DGKG: variants seen among roughly 807,000 people sequenced by gnomAD.
The protein encoded by DGKG is DAG kinase gamma.
Under a neutral mutation model 105.3 loss-of-function variants are expected in DGKG, and 78 were observed. The ratio of observed to expected loss-of-function variants is 0.74; its 90% CI spans 0.62 to 0.89. The LOEUF is 0.89. Ranked by LOEUF, DGKG falls within the 40% of genes least tolerant of loss-of-function variation. The pLI is 0.00. For synonymous variants in DGKG, 346 were observed against 367.1 expected, an observed-to-expected ratio of 0.94 and a Z score of 0.66; for missense variants, 958 against 1,020.1, an observed-to-expected ratio of 0.94 and a Z score of 0.83.
At chr3:186,325,164 T>C (rs1054450567) in intron 1 of DGKG, among the ~76,000 whole-genome samples, 6 of 152,200 alleles carry the variant, frequency 3.9e-5, no homozygotes, top group Non-Finnish European at 7.3e-5. Flanking sequence ...CTACATGTTC[T>C]TACTTATAAG....
At chr3:186,209,292 G>A (rs936675112) in intron 21 of DGKG, among the ~76,000 whole-genome samples, 3 of 151,842 alleles carry the variant, frequency 2.0e-5, no homozygotes, top group Non-Finnish European at 4.4e-5. Flanking sequence ...AGTAGAAACA[G>A]TGTTTCACCA....
At chr3:186,209,349 G>A (rs1317149810) in intron 21 of DGKG, among the ~76,000 whole-genome samples, 1 of 151,912 alleles carries the variant, frequency 6.6e-6, no homozygotes, top group African/African-American at 2.4e-5. Context: ...TGATCCACCC[G>A]CCTCGGCTTC....
intron 14 of DGKG, among the ~76,000 whole-genome samples, chr3:186,263,492 G>C (rs1249257481): frequency 6.6e-6 from 1 of 151,994 alleles, no homozygotes; most frequent in Non-Finnish European, 1.5e-5. Flanking sequence ...GCTTGAACCC[G>C]GGAGGCAAAG....
intron 2 of DGKG, among the ~76,000 whole-genome samples, chr3:186,319,026 T>C (rs1188638333): frequency 6.6e-6 from 1 of 152,226 alleles, no homozygotes. Context: ...GCCTCTCCTT[T>C]GTGCTTCTTC....
chr3:186,218,020 G>T (rs1719379486), intron 20 of DGKG, among the ~76,000 whole-genome samples: 4 of 152,152 alleles, frequency 2.6e-5, no homozygotes, highest in Admixed American at 2.0e-4. Context: ...AGATTGGGAG[G>T]CCTGGTGAAA....
chr3:186,249,488 GTAT>G (rs1429812377), intron 19 of DGKG, among the ~76,000 whole-genome samples: 3 of 152,042 alleles, frequency 2.0e-5, no homozygotes, highest in African/African-American at 7.2e-5. Context: ...TAAATATAAG[GTAT>G]TATTATTTTT....
intron 20 of DGKG, among the ~76,000 whole-genome samples, chr3:186,232,189 G>A (rs1394638177): frequency 1.3e-5 from 2 of 152,174 alleles, no homozygotes; most frequent in East Asian, 3.8e-4. Context: ...GAACAAAAGC[G>A]TTGGGACTTT....
intron 24 of DGKG, chr3:186,160,956 G>C (rs1246797253): frequency 1.0e-6 from 1 of 985,212 alleles, no homozygotes; most frequent in African/African-American, 1.7e-5. Context: ...TTCATCATTT[G>C]ACATGTATTA....
chr3:186,183,454 C>T (rs937653358), intron 22 of DGKG, among the ~76,000 whole-genome samples: 27 of 151,830 alleles, frequency 1.8e-4, no homozygotes, highest in Admixed American at 1.4e-3. Context: ...GTTACAAAAA[C>T]TAAAAAATAG....
intron 5 of DGKG, among the ~76,000 whole-genome samples, chr3:186,290,905 C>T (rs1256251127): frequency 6.6e-5 from 10 of 152,152 alleles, no homozygotes; most frequent in Non-Finnish European, 1.2e-4. Flanking sequence ...AGGATTAGAG[C>T]GAATAATCCC....
Position 186,275,655 on chromosome 3 carries a change from C to A in DGKG, c.802G>T (p.Gly268Trp). ...ATGGTCCAGGCGTGCCGCCCATCCC[C>A]CTTGGAGCCCTGCAGGGGTAATAGG... ...LLGMDDSGSK[G>W]DGRHAWTMKH... The change falls in exon 10 of 25, where the codon GGG becomes TGG. Residue 268 changes from glycine to tryptophan, a missense_variant. This residue lies in a region of DGKG where 643 missense variants were observed against 619.5 expected (regional missense o/e 1.04). Coordinates refer to ENST00000265022, the MANE Select transcript of DGKG (RefSeq NM_001346.3). The A allele has an allele frequency of 6.2e-7, 1 of 1,613,614 alleles. No individual in the cohort carries two copies. The highest frequency in any genetic ancestry group is 8.5e-7 in the Non-Finnish European group (1 of 1,179,898).
In DGKG at chr3:186,210,980, G is replaced by A. The variant is rs1330069158; in HGVS notation, c.1917+815C>T. ...AGGAGCTGTCCTCATGGCAATCAAT[G>A]AGAGGGCTTCCGGAGCGAAGCCCAG... On this transcript the variant is annotated intron_variant, in intron 21 of 24. Coordinates refer to ENST00000265022, the MANE Select transcript of DGKG (RefSeq NM_001346.3). This position sits in a 1 kb window ranked among gnomAD's most constrained non-coding sequence, Gnocchi z 5.2. Among the ~76,000 whole-genome samples, 1 of 152,204 alleles carries A rather than the reference G, an allele frequency of 6.6e-6. No homozygotes were observed. Among genetic ancestry groups the A allele is most frequent in the Non-Finnish European group, 1.5e-5 (1 of 68,046 alleles).
In DGKG at chr3:186,308,067, C is replaced by T. The variant is rs187256679; in HGVS notation, c.68-1090G>A. 8.5e-5 allele frequency among the ~76,000 whole-genome samples: 13 copies of T among 152,154 alleles called. No individual in the cohort carries two copies. In the East Asian group the frequency reaches 2.5e-3, roughly 29 times the overall value. Reference sequence around the variant, plus strand: ...TTTCCTCTGAAAGTTGAGGCCTCCACCCCCCGCCATGATTTCCCCTTAATG... The same window carrying T: ...TTTCCTCTGAAAGTTGAGGCCTCCATCCCCCGCCATGATTTCCCCTTAATG... On this transcript the variant is annotated intron_variant, in intron 2 of 24. Coordinates refer to ENST00000265022, the MANE Select transcript of DGKG (RefSeq NM_001346.3).
chr3:186,265,327 C>A, intron 13 of DGKG, 21 bp from the exon 14 acceptor site: 1 of 1,613,268 alleles, frequency 6.2e-7, no homozygotes, highest in African/African-American at 1.3e-5. Context: ...AAAGGAAAGA[C>A]AAGCATCTTT....
chr3:186,174,860 G>A (rs1174306138), intron 22 of DGKG, among the ~76,000 whole-genome samples: 1 of 152,172 alleles, frequency 6.6e-6, no homozygotes, highest in Non-Finnish European at 1.5e-5. Context: ...TGGCTTGTGG[G>A]TTTCTGCTAC....
At chr3:186,264,421 G>A (rs1342071808) in intron 14 of DGKG, among the ~76,000 whole-genome samples, 1 of 151,946 alleles carries the variant, frequency 6.6e-6, no homozygotes, top group Non-Finnish European at 1.5e-5. Flanking sequence ...CTCCCACCAC[G>A]CCCGGCTAAT....
At chr3:186,314,173 GCACA>G (rs3221277) in intron 2 of DGKG, among the ~76,000 whole-genome samples, 27,304 of 138,926 alleles carry the variant, frequency 0.2, 2,744 homozygotes, top group East Asian at 0.28. Context: ...ATACATATCT[GCACA>G]CACACACACA....
In DGKG at chr3:186,257,833, G is replaced by C. The variant is rs768431524; in HGVS notation, c.1510+21C>G. 4.4e-6 allele frequency: 7 copies of C among 1,587,112 alleles called. No homozygotes were observed. In the Admixed American group the frequency reaches 5.0e-5, roughly 11 times the overall value. On this transcript the variant is annotated intron_variant, in intron 17 of 24. Coordinates refer to ENST00000265022, the MANE Select transcript of DGKG (RefSeq NM_001346.3). ...CGCTTACTATAAATAAGCAGCAAAC[G>C]CCCTCTCAGCCCATGCTTACCAATG... is the stretch of plus-strand genomic sequence containing the variant.
In DGKG at chr3:186,314,161, A is replaced by G. The variant is rs548394904; in HGVS notation, c.67+6232T>C. Among the ~76,000 whole-genome samples the G allele has an allele frequency of 3.1e-4, 46 of 147,486 alleles. 1 individual carries two copies. The South Asian group carries it at 0.01, about 32-fold the overall frequency. ...TTTGCTTTAATGTAATTTAATTGACATATACATATCTGCACACACACACAC... is the reference window on the plus strand; with the variant it reads ...TTTGCTTTAATGTAATTTAATTGACGTATACATATCTGCACACACACACAC... On this transcript the variant is annotated intron_variant, in intron 2 of 24. Coordinates refer to ENST00000265022, the MANE Select transcript of DGKG (RefSeq NM_001346.3).
Sources: allele counts gnomAD v4.1 joint callset (sites outside exome capture counted in the v4.1 genomes callset), GRCh38; gene constraint gnomAD v4.1.1; regional missense constraint gnomAD v4.1.1; non-coding constraint Gnocchi (gnomAD v3.1); transcripts MANE v1.5; gene names NCBI Gene and HGNC (gene_info 2026-07-23, HGNC 2026-07-21).